ANKS1B: variants seen among roughly 807,000 people sequenced by gnomAD.
ANKS1B encodes ankyrin repeat and sterile alpha motif domain-containing protein 1B.
ANKS1B carries 36 observed loss-of-function variants against 148.3 expected under a neutral mutation model. That is an observed-to-expected ratio of 0.24 (90% CI 0.19 to 0.32). ANKS1B has a LOEUF of 0.32. Among genes scored for constraint, ANKS1B ranks in the 10% least tolerant of loss-of-function variants. The probability of loss-of-function intolerance (pLI) is 1.00; values close to 1 mark genes in which losing one functional copy is unlikely to be tolerated. For synonymous variants in ANKS1B, 542 were observed against 560.8 expected, an observed-to-expected ratio of 0.97 and a Z score of 0.47; for missense variants, 1,157 against 1,542.6, an observed-to-expected ratio of 0.75 and a Z score of 4.19.
intron 8 of ANKS1B, among the ~76,000 whole-genome samples, chr12:99,687,044 CTG>C (rs1325073660): frequency 2.6e-5 from 4 of 152,218 alleles, no homozygotes; most frequent in South Asian, 4.1e-4. Context: ...TGAATTCTGT[CTG>C]TGTTTGTCTG....
intron 1 of ANKS1B, among the ~76,000 whole-genome samples, chr12:99,842,504 A>G (rs1402189700): frequency 6.6e-6 from 1 of 152,108 alleles, no homozygotes; most frequent in East Asian, 1.9e-4. Context: ...TCCACCCTTG[A>G]GATCTTATCA....
intron 1 of ANKS1B, among the ~76,000 whole-genome samples, chr12:99,830,785 A>C (rs2153688470): frequency 6.6e-6 from 1 of 152,298 alleles, no homozygotes; most frequent in Middle Eastern, 3.4e-3. Flanking sequence ...GACTTCTCAA[A>C]CCTCATTCCT....
At chr12:99,649,321 C>G (rs2098402808) in intron 9 of ANKS1B, 1 of 1,613,960 alleles carries the variant, frequency 6.2e-7, no homozygotes, top group African/African-American at 1.3e-5. Flanking sequence ...AGAGAAGGAG[C>G]AATTCAGAAT....
At chr12:99,387,574 C>T (rs1027750536) in intron 12 of ANKS1B, among the ~76,000 whole-genome samples, 20 of 150,130 alleles carry the variant, frequency 1.3e-4, no homozygotes, top group Admixed American at 5.9e-4. Flanking sequence ...CCGGCCTGGG[C>T]GACAGAGTGA....
At chr12:99,869,803 T>TA (rs1218405794) in intron 1 of ANKS1B, among the ~76,000 whole-genome samples, 3 of 151,880 alleles carry the variant, frequency 2.0e-5, no homozygotes, top group Middle Eastern at 3.2e-3. Flanking sequence ...TCACATCATA[T>TA]AAAAAAAGAA....
intron 8 of ANKS1B, among the ~76,000 whole-genome samples, chr12:99,716,692 C>A (rs889457309): frequency 6.6e-6 from 1 of 152,104 alleles, no homozygotes; most frequent in Non-Finnish European, 1.5e-5. Flanking sequence ...GGCATTCTTT[C>A]ACACATCAGT....
At chr12:98,894,196 C>T (rs1430569312) in intron 17 of ANKS1B, among the ~76,000 whole-genome samples, 2 of 152,168 alleles carry the variant, frequency 1.3e-5, no homozygotes, top group East Asian at 3.9e-4. Flanking sequence ...TCCTGCTATT[C>T]CTTAAAGGCG....
chr12:99,970,801 C>G (rs1474783295), intron 1 of ANKS1B, among the ~76,000 whole-genome samples: 2 of 152,202 alleles, frequency 1.3e-5, no homozygotes, highest in African/African-American at 4.8e-5. Flanking sequence ...GCAGTTTCCC[C>G]TGAATACTCC....
chr12:99,161,970 T>G (rs999749280), intron 14 of ANKS1B, among the ~76,000 whole-genome samples: 3 of 152,164 alleles, frequency 2.0e-5, no homozygotes, highest in Admixed American at 1.3e-4. Context: ...GCATCCATAC[T>G]ATTGACTATT....
At chr12:99,019,566 T>C (rs990763118) in intron 17 of ANKS1B, among the ~76,000 whole-genome samples, 2 of 152,164 alleles carry the variant, frequency 1.3e-5, no homozygotes, top group Non-Finnish European at 2.9e-5. Flanking sequence ...AAATACACAG[T>C]AATAAAGCAA....
intron 17 of ANKS1B, among the ~76,000 whole-genome samples, chr12:99,030,062 AC>A (rs2099951038): frequency 6.6e-6 from 1 of 152,232 alleles, no homozygotes; most frequent in African/African-American, 2.4e-5. Context: ...CAGTCCTGAC[AC>A]TGGCTTCCCT....
chr12:99,262,343 A>G (rs192351060), intron 12 of ANKS1B, among the ~76,000 whole-genome samples: 1 of 152,130 alleles, frequency 6.6e-6, no homozygotes, highest in East Asian at 1.9e-4. Context: ...AGGCTGGAAC[A>G]TAGTGGATAA....
At chr12:98,862,727 T>G (rs1426792043) in intron 17 of ANKS1B, among the ~76,000 whole-genome samples, 1 of 152,128 alleles carries the variant, frequency 6.6e-6, no homozygotes, top group Non-Finnish European at 1.5e-5. Context: ...AGGTTCTTAC[T>G]CTCAAGTAGG....
chr12:99,274,560 C>G (rs2077450592), intron 12 of ANKS1B, among the ~76,000 whole-genome samples: 1 of 152,164 alleles, frequency 6.6e-6, no homozygotes, highest in African/African-American at 2.4e-5. Context: ...ACGATCTACC[C>G]AGCGCTTCTG....
intron 15 of ANKS1B, among the ~76,000 whole-genome samples, chr12:99,123,460 G>A (rs539152124): frequency 5.9e-5 from 9 of 152,168 alleles, no homozygotes; most frequent in Non-Finnish European, 1.3e-4. Context: ...AGAACTAAGT[G>A]GATAGATGAA....
At chr12:99,278,439 G>T (rs537364940) in intron 12 of ANKS1B, among the ~76,000 whole-genome samples, 3 of 152,190 alleles carry the variant, frequency 2.0e-5, no homozygotes, top group Non-Finnish European at 4.4e-5. Context: ...TTGGGGATGT[G>T]TCTGTTCCCA....
intron 24 of ANKS1B, among the ~76,000 whole-genome samples, chr12:98,778,203 G>A (rs774730026): frequency 1.4e-4 from 21 of 152,198 alleles, no homozygotes; most frequent in Non-Finnish European, 2.4e-4. Context: ...TAGGCTGGGC[G>A]TGGTGGCTCA....
At chr12:99,591,934 A>C (rs1420046492) in intron 9 of ANKS1B, among the ~76,000 whole-genome samples, 1 of 152,202 alleles carries the variant, frequency 6.6e-6, no homozygotes, top group Non-Finnish European at 1.5e-5. Context: ...CTGGTATCTA[A>C]AATTTCAAAT....
chr12:99,480,505 G>A (rs1470519474), intron 10 of ANKS1B, among the ~76,000 whole-genome samples: 1 of 151,798 alleles, frequency 6.6e-6, no homozygotes, highest in Non-Finnish European at 1.5e-5. Flanking sequence ...TTTCTTTGAT[G>A]TAAATTTTAA....
Sources: allele counts gnomAD v4.1 joint callset (sites outside exome capture counted in the v4.1 genomes callset), GRCh38; gene constraint gnomAD v4.1.1; transcripts MANE v1.5; gene names NCBI Gene and HGNC (gene_info 2026-07-23, HGNC 2026-07-21).